The following LHFPL2 variants were observed in gnomAD, a reference collection of about 807,000 sequenced individuals.
The protein encoded by LHFPL2 is LHFPL tetraspan subfamily member 2, also known as LHFPL tetraspan subfamily member 2 protein.
Under a neutral mutation model 17.5 loss-of-function variants are expected in LHFPL2, and 7 were observed. The observed-to-expected ratio is 0.40, with a 90% CI of 0.23 to 0.75. The LOEUF is 0.75. Among genes scored for constraint, LHFPL2 ranks in the 30% least tolerant of loss-of-function variants. The probability of loss-of-function intolerance (pLI) is 0.37; values close to 1 mark genes in which losing one functional copy is unlikely to be tolerated. For synonymous variants in LHFPL2, 134 were observed against 116.2 expected (o/e 1.15, Z -0.99); for missense variants, 241 against 294.8 (o/e 0.82, Z 1.34).
At chr5:78,493,937 C>T (rs1045251121) in intron 4 of LHFPL2, among the ~76,000 whole-genome samples, 5 of 152,232 alleles carry the variant, frequency 3.3e-5, no homozygotes, top group African/African-American at 1.2e-4. Context: ...CAGGGACTAT[C>T]AGCTTGGTCA....
intron 2 of LHFPL2, among the ~76,000 whole-genome samples, chr5:78,609,337 G>T (rs1744331535): frequency 6.6e-6 from 1 of 151,524 alleles, no homozygotes; most frequent in South Asian, 2.1e-4. Context: ...TGTAATCCCA[G>T]CTATTTGGGA....
At chr5:78,576,194 C>T (rs940960157) in intron 2 of LHFPL2, among the ~76,000 whole-genome samples, 11 of 151,998 alleles carry the variant, frequency 7.2e-5, no homozygotes, top group Admixed American at 1.3e-4. Flanking sequence ...ACTCCGGAGG[C>T]TGAGGCAGGA....
intron 4 of LHFPL2, among the ~76,000 whole-genome samples, chr5:78,494,918 A>G (rs1754557751): frequency 6.6e-6 from 1 of 152,182 alleles, no homozygotes; most frequent in Admixed American, 6.5e-5. Context: ...ACACCAGGAA[A>G]AGCCAAGTCA....
chr5:78,565,216 A>G (rs1756828661), intron 2 of LHFPL2, among the ~76,000 whole-genome samples: 2 of 152,348 alleles, frequency 1.3e-5, no homozygotes, highest in African/African-American at 4.8e-5. Flanking sequence ...GACCATAAAA[A>G]GGCTCAAAAA....
intron 4 of LHFPL2, among the ~76,000 whole-genome samples, chr5:78,500,024 G>GAAAAAAAAAAAAAAAAAAAA (rs1031385394): frequency 1.5e-5 from 1 of 66,094 alleles, no homozygotes. Flanking sequence ...GGACCAAAAG[G>GAAAAAAAAAAAAAAAAAAAA]AAAAAAAAAA....
intron 2 of LHFPL2, among the ~76,000 whole-genome samples, chr5:78,565,141 C>T (rs1756826464): frequency 6.6e-6 from 1 of 152,292 alleles, no homozygotes; most frequent in African/African-American, 2.4e-5. Flanking sequence ...TACATCGTTT[C>T]CTTTCCCCTC....
intron 1 of LHFPL2, among the ~76,000 whole-genome samples, chr5:78,647,138 T>C (rs749239658): frequency 2.0e-4 from 30 of 152,226 alleles, no homozygotes; most frequent in Non-Finnish European, 3.4e-4. Flanking sequence ...TCAATAAGCT[T>C]ATCACAGTAT....
chr5:78,579,559 T>C (rs973376183), intron 2 of LHFPL2, among the ~76,000 whole-genome samples: 4 of 152,098 alleles, frequency 2.6e-5, no homozygotes, highest in South Asian at 2.1e-4. Context: ...GTTCTCATTG[T>C]TCAATTCCCA....
chr5:78,585,029 C>T lies in LHFPL2; in HGVS notation c.-244-20158G>A, dbSNP rs1477943788. On this transcript the variant is annotated intron_variant, in intron 2 of 4. Coordinates refer to ENST00000380345, the MANE Select transcript of LHFPL2 (RefSeq NM_005779.3). ...TTTTTTTTTTTTTTTTTTTTTGAGA[C>T]GGAGTCTCGCTCTGTCGCCCAGGCT... 5.8e-5 allele frequency among the ~76,000 whole-genome samples: 2 copies of T among 34,706 alleles called. 1 individual carries two copies. The highest frequency in any genetic ancestry group is 2.0e-4 in the African/African-American group (2 of 9,966). The allele number at this position is 34,706 out of a possible 152,430, so 22.8% of individuals were successfully genotyped here.
chr5:78,569,542 T>G lies in LHFPL2; in HGVS notation c.-244-4671A>C, dbSNP rs114804357. On this transcript the variant is annotated intron_variant, in intron 2 of 4. Coordinates refer to ENST00000380345, the MANE Select transcript of LHFPL2 (RefSeq NM_005779.3). Reference sequence around the variant, plus strand: ...AACAGGTCCAGGACTACCTCACAATTGTGTCTGACAACAGGAGTTTAACAG... The same window carrying G: ...AACAGGTCCAGGACTACCTCACAATGGTGTCTGACAACAGGAGTTTAACAG... 3.0e-3 allele frequency among the ~76,000 whole-genome samples: 452 copies of G among 152,298 alleles called. 3 individuals carry two copies. Among genetic ancestry groups the G allele is most frequent in the African/African-American group, 0.01 (434 of 41,580 alleles).
At chr5:78,579,380 T>G (rs1253564070) in intron 2 of LHFPL2, among the ~76,000 whole-genome samples, 9 of 152,070 alleles carry the variant, frequency 5.9e-5, no homozygotes, top group Admixed American at 5.2e-4. Context: ...TTAGGGTACA[T>G]GTGCACAATG....
chr5:78,536,687 G>C (rs577673266), intron 3 of LHFPL2, among the ~76,000 whole-genome samples: 1 of 152,254 alleles, frequency 6.6e-6, no homozygotes, highest in South Asian at 2.1e-4. Flanking sequence ...GTGTTTTTCT[G>C]AATTAAGTCA....
chr5:78,587,540 T>C (rs1466440892), intron 2 of LHFPL2, among the ~76,000 whole-genome samples: 1 of 152,242 alleles, frequency 6.6e-6, no homozygotes, highest in East Asian at 1.9e-4. Context: ...CCATTATGGA[T>C]AACTGTGCTT....
At chr5:78,491,932 T>C (rs1485484948) in intron 4 of LHFPL2, among the ~76,000 whole-genome samples, 1 of 152,238 alleles carries the variant, frequency 6.6e-6, no homozygotes, top group Non-Finnish European at 1.5e-5. Context: ...TGAAAAAATA[T>C]TCTCCATCTG....
intron 3 of LHFPL2, among the ~76,000 whole-genome samples, chr5:78,534,550 G>T (rs1263823172): frequency 6.6e-6 from 1 of 152,212 alleles, no homozygotes; most frequent in African/African-American, 2.4e-5. Context: ...GTGACTGCTG[G>T]GTTTTCTTTT....
Position 78,648,547 on chromosome 5 carries a change from G to C in LHFPL2, c.-398C>G, listed in dbSNP as rs1745972844. The stretch of plus-strand genomic sequence containing the variant: ...GCTCCGAGCCCGCAGCCTTCCCCAA[G>C]TCAGGGCTTTCAGTGACGCCTCCTC... On this transcript the variant is annotated 5_prime_UTR_variant, in exon 1 of 5. Transcript: ENST00000380345. The surrounding 1 kb of genome is among the most constrained non-coding windows in gnomAD (Gnocchi z 5.4). 6.6e-6 allele frequency: 1 copy of C among 152,132 alleles called. No individual in the cohort carries two copies. The highest frequency in any genetic ancestry group is 1.5e-5 in the Non-Finnish European group (1 of 68,076). 9.4% of individuals were successfully genotyped at this position (152,132 alleles called of 1,614,324 possible).
At chr5:78,621,691 A>G (rs1744861924) in intron 2 of LHFPL2, among the ~76,000 whole-genome samples, 1 of 152,210 alleles carries the variant, frequency 6.6e-6, no homozygotes, top group Non-Finnish European at 1.5e-5. Flanking sequence ...CAATGACACC[A>G]ATACATGGCA....
At chr5:78,616,503 G>C (rs967806756) in intron 2 of LHFPL2, among the ~76,000 whole-genome samples, 4 of 152,066 alleles carry the variant, frequency 2.6e-5, no homozygotes. Flanking sequence ...TCACGAAAGA[G>C]GTTACAGTAA....
At chr5:78,584,335 T>C (rs1743281473) in intron 2 of LHFPL2, among the ~76,000 whole-genome samples, 2 of 152,260 alleles carry the variant, frequency 1.3e-5, no homozygotes, top group Non-Finnish European at 2.9e-5. Flanking sequence ...AGGAACTGCA[T>C]TCCTTTGGAG....
Sources: allele counts gnomAD v4.1 joint callset (sites outside exome capture counted in the v4.1 genomes callset), GRCh38; gene constraint gnomAD v4.1.1; non-coding constraint Gnocchi (gnomAD v3.1); transcripts MANE v1.5; gene names NCBI Gene and HGNC (gene_info 2026-07-23, HGNC 2026-07-21).